SEMA4A: variants seen among roughly 807,000 people sequenced by gnomAD.
SEMA4A encodes the protein semaphorin-4A.
Under a neutral mutation model 72.5 loss-of-function variants are expected in SEMA4A, and 52 were observed. The observed-to-expected ratio is 0.72, with a 90% CI of 0.57 to 0.90. SEMA4A has a LOEUF of 0.90. Among genes scored for constraint, SEMA4A ranks in the 40% least tolerant of loss-of-function variants. The probability of loss-of-function intolerance (pLI) is 0.00; values close to 1 mark genes in which losing one functional copy is unlikely to be tolerated. For synonymous variants in SEMA4A, 369 were observed against 393.1 expected (o/e 0.94, Z 0.73); for missense variants, 926 against 959.7 (o/e 0.96, Z 0.46).
At position 156,157,195 on chromosome 1, in the gene SEMA4A, T is replaced by C. The variant is rs1395898181; in HGVS notation, c.300+621T>C. Among the ~76,000 whole-genome samples, 1 of 144,852 alleles carries C rather than the reference T, an allele frequency of 6.9e-6. No individual in the cohort carries two copies. Among genetic ancestry groups the C allele is most frequent in the African/African-American group, 2.8e-5 (1 of 36,296 alleles). On this transcript the variant is annotated intron_variant, in intron 3 of 14. Coordinates refer to ENST00000368285, the MANE Select transcript of SEMA4A (RefSeq NM_022367.4). This position sits in a 1 kb window ranked among gnomAD's most constrained non-coding sequence, Gnocchi z 4.5. Reference sequence around the variant, plus strand: ...AGAAATCACTGATGCTTCTGTGTCTTTTTTTTTTTGAGATGGAGTCTCACT... The same window carrying C: ...AGAAATCACTGATGCTTCTGTGTCTCTTTTTTTTTGAGATGGAGTCTCACT...
chr1:156,177,126 A>C lies in SEMA4A; in HGVS notation c.*129A>C. The C allele has an allele frequency of 2.5e-6, 2 of 796,064 alleles. No homozygotes were observed. Among genetic ancestry groups the C allele is most frequent in the East Asian group, 2.6e-5 (1 of 37,776 alleles). The allele number at this position is 796,064 out of a possible 1,614,324, so 49.3% of individuals were successfully genotyped here. A position where few individuals can be genotyped will look rare whatever the true frequency, so the allele number is the denominator to read the frequency against. On this transcript the variant is annotated 3_prime_UTR_variant, in exon 15 of 15. Transcript: ENST00000368285. The stretch of plus-strand genomic sequence containing the variant: ...TTCTCCCCTGAGAGGAGCTTCTGCT[A>C]CTCTGCATCACTGATGACACTCAGC...
chr1:156,164,875 G>A (rs1411112311), intron 10 of SEMA4A, among the ~76,000 whole-genome samples: 1 of 151,524 alleles, frequency 6.6e-6, no homozygotes, highest in Non-Finnish European at 1.5e-5. Flanking sequence ...ATCTCGGCTC[G>A]CTGCAACCTC....
At chr1:156,162,203 G>C (rs957775607) in intron 9 of SEMA4A, among the ~76,000 whole-genome samples, 12 of 152,254 alleles carry the variant, frequency 7.9e-5, no homozygotes, top group Non-Finnish European at 1.8e-4. Context: ...GGAGGTTGCA[G>C]TGAGCCAAGA....
chr1:156,172,912 G>A lies in SEMA4A; in HGVS notation c.1221G>A (p.Leu407=), dbSNP rs552696817. 7 of 1,614,066 alleles carry A rather than the reference G, an allele frequency of 4.3e-6. No individual in the cohort carries two copies. In the South Asian group the frequency reaches 6.6e-5, roughly 15 times the overall value. The part of the protein sequence containing the change: ...LMDEQVVGTP[L]LVKSGVEYTR... Reference sequence around the variant, plus strand: ...ATGAGCAAGTGGTGGGGACGCCCCTGCTGGTGAAATCTGGCGTGGAGTATA... The same window carrying A: ...ATGAGCAAGTGGTGGGGACGCCCCTACTGGTGAAATCTGGCGTGGAGTATA... Residue 407 remains leucine (L), a synonymous_variant, in exon 11 of 15, where the codon CTG becomes CTA. Transcript: ENST00000368285.
chr1:156,177,375 C>A lies in SEMA4A; in HGVS notation c.*378C>A. On this transcript the variant is annotated 3_prime_UTR_variant, in exon 15 of 15. Transcript: ENST00000368285. ...CCCAGGACCCTATGGTAATGAACAC[C>A]AAACATCTAAACAATCATATGCTAA... 2.9e-6 allele frequency: 1 copy of A among 345,676 alleles called. No individual in the cohort carries two copies. The highest frequency in any genetic ancestry group is 2.7e-5 in the South Asian group (1 of 37,526). 21.4% of individuals were successfully genotyped at this position (345,676 alleles called of 1,614,324 possible).
chr1:156,160,590 C>T (rs765650353), intron 7 of SEMA4A, 31 bp downstream of exon 7: 41 of 1,568,620 alleles, frequency 2.6e-5, no homozygotes, highest in Non-Finnish European at 2.6e-5. Flanking sequence ...GGCCTCCTTT[C>T]CTGAGTCCTG....
At chr1:156,169,264 G>T (rs1399928178) in intron 10 of SEMA4A, among the ~76,000 whole-genome samples, 1 of 151,894 alleles carries the variant, frequency 6.6e-6, no homozygotes, top group East Asian at 1.9e-4. Context: ...GGCTTGAGAA[G>T]ATTCTTCTCT....
At chr1:156,158,647 C>A (rs564762717) in intron 5 of SEMA4A, 72 bp from the exon 6 acceptor site, 3 of 1,397,242 alleles carry the variant, frequency 2.1e-6, no homozygotes, top group East Asian at 4.6e-5. Context: ...CTTTCCCTTC[C>A]TTCCTCAAGC....
Position 156,176,985 on chromosome 1 carries a change from T to A in SEMA4A, c.2274T>A (p.Thr758=), listed in dbSNP as rs1340467293. The A allele has an allele frequency of 1.2e-6, 2 of 1,609,692 alleles. No homozygotes were observed. Among genetic ancestry groups the A allele is most frequent in the East Asian group, 2.2e-5 (1 of 44,870 alleles). The change falls in exon 15 of 15, where the codon ACT becomes ACA. Residue 758 remains threonine, a synonymous_variant. Coordinates refer to ENST00000368285, the MANE Select transcript of SEMA4A (RefSeq NM_022367.4). ...ACGCTGACAACAACTGCCTAGGCACTGAGGTAGCTTAAACTCTAGGCACAG... is the reference window on the plus strand; with the variant it reads ...ACGCTGACAACAACTGCCTAGGCACAGAGGTAGCTTAAACTCTAGGCACAG... The part of the protein sequence containing the change: ...DVDADNNCLG[T]EVA
intron 10 of SEMA4A, 160 bp downstream of exon 10, chr1:156,163,254 C>T: frequency 3.9e-6 from 3 of 766,096 alleles, no homozygotes; most frequent in Non-Finnish European, 6.5e-6. Flanking sequence ...CTATATTCCA[C>T]ATGTGCCTAG....
At chr1:156,152,539 C>A (rs1186425459), upstream of SEMA4A, among the ~76,000 whole-genome samples, 1 of 152,110 alleles carries the variant, frequency 6.6e-6, no homozygotes, top group Non-Finnish European at 1.5e-5. Flanking sequence ...CTGGAAGGGA[C>A]CTGGCAACCA....
At position 156,172,997 on chromosome 1, in the gene SEMA4A, C is replaced by A. The variant is rs201473272; in HGVS notation, c.1306C>A (p.Leu436Met). ...TGGGCACAGCCATCTTGTCATGTAC[C>A]TGGGAACCAGTGAGTAAAGAGTTCC... ...LDGHSHLVMY[L>M]GTTTGSLHKA... Residue 436 changes from leucine to methionine, a missense_variant, in exon 11 of 15, where the codon CTG becomes ATG. Transcript: ENST00000368285. 5.0e-6 allele frequency: 8 copies of A among 1,613,976 alleles called. No homozygotes were observed. The East Asian group carries it at 1.8e-4, about 36-fold the overall frequency.
At chr1:156,161,309 C>CGGGGGGGGG in intron 8 of SEMA4A, 37 bp from the exon 9 acceptor site, 1 of 1,302,406 alleles carries the variant, frequency 7.7e-7, no homozygotes, top group Non-Finnish European at 1.0e-6. Flanking sequence ...GGGGTCGGGG[C>CGGGGGGGGG]GCCCGGGGCG....
intron 11 of SEMA4A, among the ~76,000 whole-genome samples, chr1:156,173,266 T>C (rs1352857109): frequency 6.6e-6 from 1 of 152,116 alleles, no homozygotes; most frequent in Non-Finnish European, 1.5e-5. Flanking sequence ...CTGTGTGTCT[T>C]ATGAGGGAAG....
At chr1:156,154,830 C>CAG in intron 2 of SEMA4A, 113 bp downstream of exon 2, 10 of 1,256,260 alleles carry the variant, frequency 8.0e-6, no homozygotes, top group Non-Finnish European at 1.1e-5. Flanking sequence ...AACAGGGACA[C>CAG]AGAGAGAGAT....
chr1:156,163,020 T>C lies in SEMA4A; in HGVS notation c.1060T>C (p.Tyr354His), dbSNP rs1326493189. 1 of 1,613,922 alleles carries C rather than the reference T, an allele frequency of 6.2e-7. No homozygotes were observed. The highest frequency in any genetic ancestry group is 1.3e-5 in the African/African-American group (1 of 74,850). Residue 354 changes from tyrosine (Y) to histidine (H), a missense_variant, in exon 10 of 15, where the codon TAC (tyrosine) becomes CAC (histidine). Transcript: ENST00000368285. ...LDIERVFKGKYKELNKETSRW... is the reference protein window; with the variant it reads ...LDIERVFKGKHKELNKETSRW... The stretch of plus-strand genomic sequence containing the variant: ...CATTGAACGTGTCTTTAAGGGGAAA[T>C]ACAAAGAGTTGAACAAAGAAACTTC...
chr1:156,160,593 G>A lies in SEMA4A; in HGVS notation c.685+34G>A, dbSNP rs759044675. The A allele has an allele frequency of 1.4e-5, 21 of 1,554,034 alleles. No homozygotes were observed. In the South Asian group the frequency reaches 2.3e-4, roughly 17 times the overall value. ...CTGACCCCCGCTGGCCTCCTTTCCT[G>A]AGTCCTGGTGACCTTGCTAATTCAC... is the stretch of plus-strand genomic sequence containing the variant. On this transcript the variant is annotated intron_variant, in intron 7 of 14. Coordinates refer to ENST00000368285, the MANE Select transcript of SEMA4A (RefSeq NM_022367.4).
chr1:156,158,528 C>T, intron 5 of SEMA4A, 42 bp downstream of exon 5: 1 of 1,488,492 alleles, frequency 6.7e-7, no homozygotes, highest in Non-Finnish European at 9.4e-7. Context: ...CCAAGCATCC[C>T]TTCTCACATC....
Position 156,158,451 on chromosome 1 carries a change from G to A in SEMA4A, c.427G>A (p.Gly143Ser), listed in dbSNP as rs773687726. ...SYNVTHLYTC[G>S]TFAFSPACTF... ...CAATGTCACCCATCTCTACACCTGC[G>A]GCACCTTCGCCTTCAGCCCTGCTTG... The change falls in exon 5 of 15, where the codon GGC (glycine) becomes AGC (serine). Residue 143 changes from glycine (G) to serine (S), a missense_variant. By Grantham distance (56) the Gly-to-Ser change is moderately conservative. Transcript: ENST00000368285. The A allele has an allele frequency of 4.3e-6, 7 of 1,613,796 alleles. No homozygotes were observed. The highest frequency in any genetic ancestry group is 5.9e-6 in the Non-Finnish European group (7 of 1,179,930).
Sources: allele counts gnomAD v4.1 joint callset (sites outside exome capture counted in the v4.1 genomes callset), GRCh38; gene constraint gnomAD v4.1.1; non-coding constraint Gnocchi (gnomAD v3.1); transcripts MANE v1.5; gene names NCBI Gene and HGNC (gene_info 2026-07-23, HGNC 2026-07-21).